The following ERC1 variants were observed in gnomAD, a reference collection of about 807,000 sequenced individuals.
ERC1 encodes the protein RAB6 interacting protein 2.
Under a neutral mutation model 132.0 loss-of-function variants are expected in ERC1, and 56 were observed. The observed-to-expected ratio is 0.42, with a 90% CI of 0.34 to 0.53. The LOEUF (loss-of-function observed/expected upper bound fraction) is 0.53. Ranked by LOEUF, ERC1 falls within the 20% of genes least tolerant of loss-of-function variation. The pLI, the probability that ERC1 is intolerant of heterozygous loss-of-function variation, is 0.03. For synonymous variants in ERC1, 478 were observed against 476.1 expected, an observed-to-expected ratio of 1.00 and a Z score of -0.05; for missense variants, 1,202 against 1,349.9, an observed-to-expected ratio of 0.89 and a Z score of 1.72.
chr12:1,288,835 C>T (rs1384485952), intron 14 of ERC1, among the ~76,000 whole-genome samples: 1 of 152,098 alleles, frequency 6.6e-6, no homozygotes, highest in African/African-American at 2.4e-5. Flanking sequence ...TGTTTGATTA[C>T]ATTTGCTTCT....
chr12:1,251,679 C>T (rs905356955), intron 13 of ERC1, among the ~76,000 whole-genome samples: 4 of 152,146 alleles, frequency 2.6e-5, no homozygotes, highest in East Asian at 1.9e-4. Context: ...AGCAAAAACA[C>T]GGCTTAACAT....
At chr12:1,450,625 G>A (rs886576254) in intron 18 of ERC1, among the ~76,000 whole-genome samples, 10 of 152,112 alleles carry the variant, frequency 6.6e-5, no homozygotes, top group Non-Finnish European at 1.5e-4. Context: ...ATACCTTTTC[G>A]AGACTGTGCT....
chr12:1,185,854 C>T (rs1223826779), intron 11 of ERC1, among the ~76,000 whole-genome samples: 1 of 151,458 alleles, frequency 6.6e-6, no homozygotes, highest in Non-Finnish European at 1.5e-5. Flanking sequence ...TTGTTTTGTT[C>T]CTAGTGAGTT....
At chr12:1,265,590 C>T (rs2077428230) in intron 14 of ERC1, among the ~76,000 whole-genome samples, 1 of 152,060 alleles carries the variant, frequency 6.6e-6, no homozygotes, top group African/African-American at 2.4e-5. Context: ...CTGTGTGGTC[C>T]ATAGTTGAGG....
chr12:1,142,331 T>A (rs1593656281), intron 8 of ERC1, among the ~76,000 whole-genome samples: 1 of 152,222 alleles, frequency 6.6e-6, no homozygotes, highest in East Asian at 1.9e-4. Context: ...GTTTCTTCAT[T>A]GTTGTTACTA....
Position 1,115,158 on chromosome 12 carries a change from C to T in ERC1, c.1402-708C>T, listed in dbSNP as rs151129096. Among the ~76,000 whole-genome samples the T allele has an allele frequency of 3.5e-3, 528 of 152,162 alleles. 4 individuals carry two copies. The highest frequency in any genetic ancestry group is 0.012 in the African/African-American group (497 of 41,542). On this transcript the variant is annotated intron_variant, in intron 6 of 18. Transcript: ENST00000360905. ...GGAGATGTAATTTCTGTTTACATGG[C>T]TTCCATTTAGGGTAAAAAACTATTT...
intron 7 of ERC1, among the ~76,000 whole-genome samples, chr12:1,140,780 A>G (rs1225623419): frequency 6.6e-6 from 1 of 152,202 alleles, no homozygotes; most frequent in Non-Finnish European, 1.5e-5. Context: ...CCAAATTGAG[A>G]TGTGATATAA....
At chr12:1,400,915 T>G (rs71435024) in intron 16 of ERC1, among the ~76,000 whole-genome samples, 1 of 23,838 alleles carries the variant, frequency 4.2e-5, no homozygotes, top group Non-Finnish European at 7.8e-5. Context: ...GCTATTTTTG[T>G]ATTTTTTTTT....
intron 15 of ERC1, among the ~76,000 whole-genome samples, chr12:1,366,607 A>G (rs1487775312): frequency 6.6e-6 from 1 of 152,226 alleles, no homozygotes; most frequent in African/African-American, 2.4e-5. Flanking sequence ...ATATTAGGCA[A>G]AAATATTTGC....
intron 15 of ERC1, among the ~76,000 whole-genome samples, chr12:1,330,793 A>G (rs1361064739): frequency 6.6e-6 from 1 of 152,220 alleles, no homozygotes; most frequent in Admixed American, 6.5e-5. Flanking sequence ...TGCAACTCCT[A>G]GTAGACTTAG....
chr12:1,208,474 C>A (rs1237860427), intron 12 of ERC1, among the ~76,000 whole-genome samples: 1 of 152,148 alleles, frequency 6.6e-6, no homozygotes, highest in Non-Finnish European at 1.5e-5. Context: ...TGCTCTATAT[C>A]TTGTTCTGTT....
intron 7 of ERC1, among the ~76,000 whole-genome samples, chr12:1,141,415 A>T: frequency 6.6e-6 from 1 of 152,202 alleles, no homozygotes; most frequent in East Asian, 1.9e-4. Context: ...ATGTGCATGA[A>T]GTTTGAGAAA....
intron 15 of ERC1, among the ~76,000 whole-genome samples, chr12:1,346,265 G>T (rs945806466): frequency 6.6e-5 from 10 of 152,282 alleles, no homozygotes; most frequent in African/African-American, 2.2e-4. Flanking sequence ...TTTAGAGATT[G>T]CTAGAAAACA....
At chr12:1,150,069 T>G (rs60735284) in intron 8 of ERC1, among the ~76,000 whole-genome samples, 35,671 of 152,168 alleles carry the variant, frequency 0.23, 4,429 homozygotes, top group Non-Finnish European at 0.27. Context: ...CTCCTGTAGC[T>G]TACATTGCAA....
intron 13 of ERC1, among the ~76,000 whole-genome samples, chr12:1,255,570 A>G (rs2154318154): frequency 6.7e-6 from 1 of 150,210 alleles, no homozygotes; most frequent in Non-Finnish European, 1.5e-5. Context: ...CCAACAGTAT[A>G]AAAGCATTCC....
In ERC1 at chr12:1,494,143, G is replaced by A. The variant is rs1417528479; in HGVS notation, c.*3913G>A. ...CCACATGGCATTTCTCAAGCCCAGCGGACCCTGTGTCAGCAAATACCAGTA... is the reference window on the plus strand; with the variant it reads ...CCACATGGCATTTCTCAAGCCCAGCAGACCCTGTGTCAGCAAATACCAGTA... On this transcript the variant is annotated 3_prime_UTR_variant, in exon 19 of 19. Coordinates refer to ENST00000360905, the MANE Select transcript of ERC1 (RefSeq NM_178040.4). 6 of 232,050 alleles carry A rather than the reference G, an allele frequency of 2.6e-5. No homozygotes were observed. Among genetic ancestry groups the A allele is most frequent in the Non-Finnish European group, 4.3e-5 (5 of 117,454 alleles). The allele number at this position is 232,050 out of a possible 1,614,324, so 14.4% of individuals were successfully genotyped here. A position where few individuals can be genotyped will look rare whatever the true frequency, so the allele number is the denominator to read the frequency against.
At chr12:1,342,482 A>AC (rs57683346) in intron 15 of ERC1, among the ~76,000 whole-genome samples, 12 of 151,282 alleles carry the variant, frequency 7.9e-5, no homozygotes, top group Non-Finnish European at 1.3e-4. Flanking sequence ...AAAAAAAAAA[A>AC]CAAAAAAAAG....
intron 7 of ERC1, among the ~76,000 whole-genome samples, chr12:1,130,404 A>G (rs1948641717): frequency 6.6e-6 from 1 of 151,700 alleles, no homozygotes; most frequent in South Asian, 2.1e-4. Context: ...AGGAAGTGTT[A>G]TGTTATGTGT....
At chr12:1,281,140 T>G (rs142800773) in intron 14 of ERC1, among the ~76,000 whole-genome samples, 1,980 of 152,334 alleles carry the variant, frequency 0.013, 43 homozygotes, top group African/African-American at 0.045. Flanking sequence ...TCATTTGATC[T>G]TAGAAGAAGG....
Sources: gnomAD v4.1 joint callset for allele counts (sites outside exome capture counted in the v4.1 genomes callset) on GRCh38, gnomAD v4.1.1 for gene constraint, MANE v1.5 for transcripts, NCBI Gene and HGNC (gene_info 2026-07-23, HGNC 2026-07-21) for gene names.